The following PCDH9 variants were observed in gnomAD, a reference collection of about 807,000 sequenced individuals.
PCDH9 encodes the protein protocadherin 9.
A neutral mutation model predicts 70.6 loss-of-function variants in PCDH9; 24 were observed. The ratio of observed to expected loss-of-function variants is 0.34; its 90% CI spans 0.25 to 0.48. The LOEUF is 0.48. Ranked by LOEUF, PCDH9 falls within the 20% of genes least tolerant of loss-of-function variation. The probability of loss-of-function intolerance (pLI) is 0.99; values close to 1 mark genes in which losing one functional copy is unlikely to be tolerated. For missense variants in PCDH9, 1,281 were observed against 1,503.6 expected, an observed-to-expected ratio of 0.85 and a Z score of 2.45; for synonymous variants, 562 against 558.5, an observed-to-expected ratio of 1.01 and a Z score of -0.09.
intron 3 of PCDH9, among the ~76,000 whole-genome samples, chr13:66,890,710 C>A (rs916751470): frequency 6.6e-6 from 1 of 152,038 alleles, no homozygotes; most frequent in Admixed American, 6.6e-5. Context: ...ATCACATCGA[C>A]CAATCTATCA....
intron 3 of PCDH9, among the ~76,000 whole-genome samples, chr13:66,738,072 A>G (rs1378293505): frequency 6.6e-6 from 1 of 152,186 alleles, no homozygotes; most frequent in East Asian, 1.9e-4. Flanking sequence ...GACAGCAGTA[A>G]CCTCTGCAGA....
chr13:66,908,159 C>A (rs1315230750), intron 2 of PCDH9, among the ~76,000 whole-genome samples: 3 of 152,206 alleles, frequency 2.0e-5, no homozygotes, highest in African/African-American at 7.2e-5. Flanking sequence ...CAAGCACGCC[C>A]ATTCCACTGA....
chr13:66,611,499 C>T (rs1429235462), intron 4 of PCDH9, among the ~76,000 whole-genome samples: 14 of 152,104 alleles, frequency 9.2e-5, no homozygotes, highest in Admixed American at 9.2e-4. Context: ...ACCAAAATCC[C>T]TCCATGTCAC....
intron 2 of PCDH9, among the ~76,000 whole-genome samples, chr13:66,962,286 G>A (rs2083361988): frequency 6.6e-6 from 1 of 152,224 alleles, no homozygotes; most frequent in African/African-American, 2.4e-5. Context: ...CAGTAAGGTA[G>A]ATAGGGATCT....
intron 4 of PCDH9, among the ~76,000 whole-genome samples, chr13:66,536,399 C>T (rs947834378): frequency 3.9e-5 from 6 of 152,020 alleles, no homozygotes; most frequent in African/African-American, 1.4e-4. Flanking sequence ...ATTTTTTAAA[C>T]ATTAAAAGTA....
intron 4 of PCDH9, among the ~76,000 whole-genome samples, chr13:66,431,279 T>C (rs1306384060): frequency 1.3e-5 from 2 of 152,046 alleles, no homozygotes; most frequent in Non-Finnish European, 2.9e-5. Context: ...TAAGAAATAA[T>C]ACAAAGCACT....
At chr13:66,605,409 AC>A (rs1225637245) in intron 4 of PCDH9, among the ~76,000 whole-genome samples, 3 of 152,154 alleles carry the variant, frequency 2.0e-5, no homozygotes, top group Non-Finnish European at 4.4e-5. Context: ...GTTTCAAATA[AC>A]CAAGGTTAAC....
intron 2 of PCDH9, among the ~76,000 whole-genome samples, chr13:67,122,313 T>C (rs1208385809): frequency 6.6e-6 from 1 of 152,188 alleles, no homozygotes; most frequent in South Asian, 2.1e-4. Context: ...ATCATAACTT[T>C]TAGTTTTTAA....
At chr13:66,630,867 A>C (rs1341103545) in intron 4 of PCDH9, 1 of 172,086 alleles carries the variant, frequency 5.8e-6, no homozygotes, top group Admixed American at 6.2e-5. Flanking sequence ...TTTTTCATTG[A>C]CTATTCTACT....
chr13:66,559,833 T>TATATATACAC (rs777316241), intron 4 of PCDH9, among the ~76,000 whole-genome samples: 23 of 87,116 alleles, frequency 2.6e-4, no homozygotes, highest in African/African-American at 9.6e-4. Flanking sequence ...TATATATATA[T>TATATATACAC]ACACACACAC....
Position 67,135,904 on chromosome 13 carries a change from T to C in PCDH9, c.3036+89501A>G, listed in dbSNP as rs551668918. Among the ~76,000 whole-genome samples the C allele has an allele frequency of 2.6e-5, 4 of 152,166 alleles. No homozygotes were observed. In the East Asian group the frequency reaches 7.7e-4, roughly 29 times the overall value. On this transcript the variant is annotated intron_variant, in intron 2 of 4. Transcript: ENST00000377865. ...GATTCTTTGCTACCTTCATTTACAA[T>C]AACATATCCTGTTCCTAGAAAGCAA...
intron 4 of PCDH9, among the ~76,000 whole-genome samples, chr13:66,403,797 G>A (rs1455277600): frequency 6.6e-6 from 1 of 152,074 alleles, no homozygotes; most frequent in African/African-American, 2.4e-5. Context: ...AGCAAAGAAT[G>A]CCTTACTATT....
intron 3 of PCDH9, among the ~76,000 whole-genome samples, chr13:66,739,954 T>C (rs1176746069): frequency 2.0e-5 from 3 of 150,658 alleles, no homozygotes; most frequent in African/African-American, 7.3e-5. Flanking sequence ...TCAACAAGGA[T>C]ACCCAGGAAT....
intron 3 of PCDH9, among the ~76,000 whole-genome samples, chr13:66,679,054 A>C (rs571273449): frequency 6.6e-6 from 1 of 151,704 alleles, no homozygotes; most frequent in Admixed American, 6.6e-5. Flanking sequence ...TGCTTATATT[A>C]TATAAATAAT....
At position 66,955,783 on chromosome 13, in the gene PCDH9, A is replaced by G. The variant is rs190256988; in HGVS notation, c.3037-52178T>C. Among the ~76,000 whole-genome samples, 682 of 152,266 alleles carry G rather than the reference A, an allele frequency of 4.5e-3. 7 individuals carry two copies. Among genetic ancestry groups the G allele is most frequent in the Non-Finnish European group, 6.6e-3 (449 of 68,020 alleles). On this transcript the variant is annotated intron_variant, in intron 2 of 4. Coordinates refer to ENST00000377865, the MANE Select transcript of PCDH9 (RefSeq NM_203487.3). ...ATTGCGTTTGTTATGGGAATGACAA[A>G]CAGATACATAAGGGATGAACTACAA...
At chr13:67,119,828 C>T (rs2086844213) in intron 2 of PCDH9, among the ~76,000 whole-genome samples, 1 of 152,048 alleles carries the variant, frequency 6.6e-6, no homozygotes, top group Non-Finnish European at 1.5e-5. Context: ...TTTAGAGAAT[C>T]GTGCAAGAAT....
intron 2 of PCDH9, among the ~76,000 whole-genome samples, chr13:67,178,163 C>T (rs1479729899): frequency 6.6e-6 from 1 of 152,024 alleles, no homozygotes; most frequent in Non-Finnish European, 1.5e-5. Flanking sequence ...TCTTACTGCT[C>T]CCATCTCCTA....
At chr13:66,981,197 G>A (rs375309856) in intron 2 of PCDH9, among the ~76,000 whole-genome samples, 1 of 152,032 alleles carries the variant, frequency 6.6e-6, no homozygotes, top group Non-Finnish European at 1.5e-5. Flanking sequence ...CCAGCACTTC[G>A]GGAGGCCCAG....
In PCDH9 at chr13:66,976,024, G is replaced by A. The variant is rs541513141; in HGVS notation, c.3037-72419C>T. On this transcript the variant is annotated intron_variant, in intron 2 of 4. Transcript: ENST00000377865. ...AAAGAAAGGATAAGAAGGTGAAATT[G>A]GTAGAGAAAAATAGGGCCTTCAAGA... is the stretch of plus-strand genomic sequence containing the variant. 1.8e-4 allele frequency among the ~76,000 whole-genome samples: 28 copies of A among 152,068 alleles called. No homozygotes were observed. In the South Asian group the frequency reaches 5.8e-3, roughly 32 times the overall value.
Sources: gnomAD v4.1 joint callset for allele counts (sites outside exome capture counted in the v4.1 genomes callset) on GRCh38, gnomAD v4.1.1 for gene constraint, MANE v1.5 for transcripts, NCBI Gene and HGNC (gene_info 2026-07-23, HGNC 2026-07-21) for gene names.